LMNB2: variants seen among roughly 807,000 people sequenced by gnomAD.
The protein encoded by LMNB2 is lamin B2.
Under a neutral mutation model 69.3 loss-of-function variants are expected in LMNB2, and 17 were observed. That is an observed-to-expected ratio of 0.25 (90% CI 0.17 to 0.37). The LOEUF is 0.37. Among genes scored for constraint, LMNB2 ranks in the 10% least tolerant of loss-of-function variants. The probability of loss-of-function intolerance (pLI) is 1.00; values close to 1 mark genes in which losing one functional copy is unlikely to be tolerated. For missense variants in LMNB2, 789 were observed against 883.6 expected, an observed-to-expected ratio of 0.89 and a Z score of 1.36; for synonymous variants, 397 against 389.3, an observed-to-expected ratio of 1.02 and a Z score of -0.23.
chr19:2,435,844 A>G (rs1971815786), intron 4 of LMNB2, among the ~76,000 whole-genome samples: 1 of 151,968 alleles, frequency 6.6e-6, no homozygotes, highest in African/African-American at 2.4e-5. Flanking sequence ...ACTCTCTCTT[A>G]TAAAAGCCAT....
At position 2,434,427 on chromosome 19, in the gene LMNB2, T is replaced by C. The variant is rs761170589; in HGVS notation, c.1070A>G (p.Glu357Gly). The change falls in exon 7 of 12, where the codon GAG becomes GGG. Residue 357 changes from glutamate to glycine, a missense_variant. By Grantham distance (98) the Glu-to-Gly change is moderately conservative. This residue lies in a region of LMNB2 where 609 missense variants were observed against 630.9 expected (regional missense o/e 0.97). Coordinates refer to ENST00000325327, the MANE Select transcript of LMNB2 (RefSeq NM_032737.4). The part of the protein sequence containing the change: ...DKFRKMLDAK[E>G]QEMTEMRDVM... ...GTCCCGCATCTCCGTCATCTCCTGC[T>C]CCTTGGCGTCCAGCATCTTCCGGAA... 19 of 1,613,336 alleles carry C rather than the reference T, an allele frequency of 1.2e-5. No individual in the cohort carries two copies. Among genetic ancestry groups the C allele is most frequent in the Non-Finnish European group, 1.5e-5 (18 of 1,179,980 alleles).
chr19:2,432,281 C>T (rs924111801), intron 9 of LMNB2, 135 bp downstream of exon 9: 64 of 763,572 alleles, frequency 8.4e-5, no homozygotes, highest in Non-Finnish European at 1.2e-4. Flanking sequence ...TCTATGACTG[C>T]GGCAGCCGCT....
intron 1 of LMNB2, among the ~76,000 whole-genome samples, chr19:2,454,279 C>A (rs982194433): frequency 6.1e-5 from 8 of 131,290 alleles, no homozygotes; most frequent in Admixed American, 5.3e-4. Flanking sequence ...GACGACGGAG[C>A]GAGACTCTAT....
rs2145448369 is a variant in LMNB2, at chr19:2,434,482, C to T, written c.1015G>A (p.Glu339Lys). The change falls in exon 7 of 12, where the codon GAG (glutamate) becomes AAG (lysine). Residue 339 changes from glutamate (E) to lysine (K), a missense_variant. Glu to Lys is a moderately conservative substitution (Grantham distance 56). This residue lies in a region of LMNB2 where 609 missense variants were observed against 630.9 expected (regional missense o/e 0.97). Coordinates refer to ENST00000325327, the MANE Select transcript of LMNB2 (RefSeq NM_032737.4). ...TCCCGCTCCCCGGCCATGGCCTCCT[C>T]CAGCTCCCGAATGCGATCTTCAGCG... Reference protein sequence around the residue: ...SAAEDRIRELEEAMAGERDKF... With the variant: ...SAAEDRIRELKEAMAGERDKF... 1 of 1,613,160 alleles carries T rather than the reference C, an allele frequency of 6.2e-7. No homozygotes were observed. Among genetic ancestry groups the T allele is most frequent in the Non-Finnish European group, 8.5e-7 (1 of 1,179,956 alleles).
At chr19:2,434,952 G>A in intron 5 of LMNB2, 39 bp from the exon 6 acceptor site, 1 of 1,588,564 alleles carries the variant, frequency 6.3e-7, no homozygotes, top group Non-Finnish European at 8.5e-7. Flanking sequence ...GCGCGGGGCG[G>A]GGCGGGGTTC....
intron 2 of LMNB2, among the ~76,000 whole-genome samples, chr19:2,442,615 T>G (rs1971910713): frequency 6.6e-6 from 1 of 151,930 alleles, no homozygotes; most frequent in Admixed American, 6.6e-5. Context: ...GGTGTAGTGG[T>G]GCATGCCTGG....
intron 2 of LMNB2, among the ~76,000 whole-genome samples, chr19:2,439,256 C>A (rs980273421): frequency 2.6e-5 from 4 of 152,050 alleles, no homozygotes; most frequent in Admixed American, 6.6e-5. Flanking sequence ...AGGGAACTAA[C>A]TATATCCTCC....
intron 1 of LMNB2, among the ~76,000 whole-genome samples, chr19:2,454,627 A>ACGT (rs1452575598): frequency 6.6e-6 from 1 of 152,060 alleles, no homozygotes; most frequent in Non-Finnish European, 1.5e-5. Flanking sequence ...GAAGCCCACC[A>ACGT]CGTCCTCTGA....
At chr19:2,439,035 C>A (rs1356728245) in intron 2 of LMNB2, among the ~76,000 whole-genome samples, 1 of 65,710 alleles carries the variant, frequency 1.5e-5, no homozygotes, top group African/African-American at 6.5e-5. Context: ...GGCACTTAAG[C>A]TTTTTTTTTT....
Position 2,438,092 on chromosome 19 carries a change from G to A in LMNB2, c.684+71C>T, listed in dbSNP as rs879510416. On this transcript the variant is annotated intron_variant, in intron 4 of 11. Transcript: ENST00000325327. ...GGCCACACGGTGCCCTCAGGCTTCC[G>A]CCCTCCACAGCCATGAGGGTGGACT... is the stretch of plus-strand genomic sequence containing the variant. The A allele has an allele frequency of 5.3e-5, 85 of 1,602,390 alleles. No individual in the cohort carries two copies. In the East Asian group the frequency reaches 1.3e-3, roughly 24 times the overall value.
At chr19:2,456,304 G>A (rs536313673) in intron 1 of LMNB2, among the ~76,000 whole-genome samples, 188 of 126,654 alleles carry the variant, frequency 1.5e-3, no homozygotes, top group Middle Eastern at 6.5e-3. Flanking sequence ...GGAGACCCCC[G>A]AGCCGGAGCC....
At position 2,430,561 on chromosome 19, in the gene LMNB2, C is replaced by T. The variant is rs1039519765; in HGVS notation, c.*350G>A. The T allele has an allele frequency of 2.3e-5, 9 of 399,612 alleles. No individual in the cohort carries two copies. Among genetic ancestry groups the T allele is most frequent in the African/African-American group, 1.0e-4 (5 of 48,832 alleles). The allele number at this position is 399,612 out of a possible 1,614,324, so 24.8% of individuals were successfully genotyped here. A position where few individuals can be genotyped will look rare whatever the true frequency, so the allele number is the denominator to read the frequency against. ...TCCTACGCAGTTTCCGCGCTCCGTC[C>T]GCAGCAGGGCCGTCTCCTGTCCCCT... On this transcript the variant is annotated 3_prime_UTR_variant, in exon 12 of 12. Coordinates refer to ENST00000325327, the MANE Select transcript of LMNB2 (RefSeq NM_032737.4).
At chr19:2,444,672 G>A (rs1162026989) in intron 1 of LMNB2, 132 bp from the exon 2 acceptor site, 1 of 1,135,686 alleles carries the variant, frequency 8.8e-7, no homozygotes, top group Non-Finnish European at 1.3e-6. Flanking sequence ...GGCAGCCTGG[G>A]GACACTGGGA....
chr19:2,432,603 C>A (rs1341025854), intron 8 of LMNB2, 80 bp from the exon 9 acceptor site: 1 of 1,171,596 alleles, frequency 8.5e-7, no homozygotes, highest in Non-Finnish European at 1.3e-6. Flanking sequence ...GTGGCCCCAT[C>A]ACCCTGACCC....
Position 2,438,267 on chromosome 19 carries a change from C to T in LMNB2, c.580G>A (p.Ala194Thr), listed in dbSNP as rs746027881. 6.2e-7 allele frequency: 1 copy of T among 1,614,048 alleles called. No individual in the cohort carries two copies. The change falls in exon 4 of 12, where the codon GCC becomes ACC. Residue 194 changes from alanine to threonine, a missense_variant. This residue lies in a region of LMNB2 where 609 missense variants were observed against 630.9 expected (regional missense o/e 0.97). Coordinates refer to ENST00000325327, the MANE Select transcript of LMNB2 (RefSeq NM_032737.4). Reference sequence around the variant, plus strand: ...GTCTCCTTCTCCAGCTGCTTTTTGGCCACTGCATGACCGTCCTCGGCCTGG... The same window carrying T: ...GTCTCCTTCTCCAGCTGCTTTTTGGTCACTGCATGACCGTCCTCGGCCTGG... ...LAKAEDGHAV[A>T]KKQLEKETLM... is the part of the protein sequence containing the mutation.
chr19:2,444,565 A>G (rs369608191), intron 1 of LMNB2, 25 bp from the exon 2 acceptor site: 30 of 1,605,036 alleles, frequency 1.9e-5, no homozygotes, highest in Non-Finnish European at 2.1e-5. Flanking sequence ...GACAGGGTGA[A>G]GCGAGAGGGA....
chr19:2,445,639 C>T (rs1334821876), intron 1 of LMNB2, among the ~76,000 whole-genome samples: 3 of 88,662 alleles, frequency 3.4e-5, no homozygotes, highest in East Asian at 4.0e-4. Flanking sequence ...CAGGGATCTG[C>T]AGTCAGAGTC....
chr19:2,444,439 C>T lies in LMNB2; in HGVS notation c.366G>A (p.Gly122=). Residue 122 remains glycine (G), a synonymous_variant, in exon 2 of 12, where the codon GGG becomes GGA. Coordinates refer to ENST00000325327, the MANE Select transcript of LMNB2 (RefSeq NM_032737.4). ...CCTCGTCCAACTCTGCCCTCAGCTTCCCAATCTCTATCTGCAGCCGGGCAC... is the reference window on the plus strand; with the variant it reads ...CCTCGTCCAACTCTGCCCTCAGCTTTCCAATCTCTATCTGCAGCCGGGCAC... The part of the protein sequence containing the change: ...RERARLQIEI[G]KLRAELDEVN... The T allele has an allele frequency of 6.2e-7, 1 of 1,613,858 alleles. No individual in the cohort carries two copies. The highest frequency in any genetic ancestry group is 8.5e-7 in the Non-Finnish European group (1 of 1,180,026).
Position 2,432,575 on chromosome 19 carries a change from C to T in LMNB2, c.1483-52G>A, listed in dbSNP as rs1310921740. Reference sequence around the variant, plus strand: ...CTCAGCCACCAGGACTGTGACACCGCCCCCATCGCCCTGGCTGGTGGCCCC... The same window carrying T: ...CTCAGCCACCAGGACTGTGACACCGTCCCCATCGCCCTGGCTGGTGGCCCC... On this transcript the variant is annotated intron_variant, in intron 8 of 11. Transcript: ENST00000325327. The T allele has an allele frequency of 7.6e-6, 11 of 1,444,606 alleles. No individual in the cohort carries two copies. The Admixed American group carries it at 1.5e-4, about 20-fold the overall frequency. The allele number at this position is 1,444,606 out of a possible 1,614,324, so 89.5% of individuals were successfully genotyped here.
Sources: gnomAD v4.1 joint callset for allele counts (sites outside exome capture counted in the v4.1 genomes callset) on GRCh38, gnomAD v4.1.1 for gene constraint, gnomAD v4.1.1 regional missense constraint, MANE v1.5 for transcripts, NCBI Gene and HGNC (gene_info 2026-07-23, HGNC 2026-07-21) for gene names.